Variants in ANKHD1 observed in about 807,000 individuals in gnomAD.
ANKHD1 encodes the protein ankyrin repeat and KH domain-containing protein 1.
In ANKHD1, 31 loss-of-function variants were observed where a neutral mutation model predicts 230.5. The observed-to-expected ratio is 0.13, with a 90% CI of 0.10 to 0.18. ANKHD1 has a LOEUF of 0.18. Ranked by LOEUF, ANKHD1 falls within the 10% of genes least tolerant of loss-of-function variation. ANKHD1 has a pLI of 1.00. For missense variants in ANKHD1, 2,256 were observed against 3,071.3 expected, an observed-to-expected ratio of 0.73 and a Z score of 6.27; for synonymous variants, 1,074 against 1,117.6, an observed-to-expected ratio of 0.96 and a Z score of 0.78.
At chr5:140,468,836 A>C (rs959477988) in intron 10 of ANKHD1, among the ~76,000 whole-genome samples, 6 of 152,196 alleles carry the variant, frequency 3.9e-5, no homozygotes, top group Non-Finnish European at 8.8e-5. Context: ...TGCTGCAGTA[A>C]ATATTGCTAG....
chr5:140,456,221 A>G (rs1168660998), intron 7 of ANKHD1, among the ~76,000 whole-genome samples: 1 of 152,256 alleles, frequency 6.6e-6, no homozygotes, highest in Non-Finnish European at 1.5e-5. Flanking sequence ...GGATACAAAC[A>G]AATGGAAGAA....
At position 140,459,374 on chromosome 5, in the gene ANKHD1, C is replaced by G; in HGVS notation, c.1672+19C>G. On this transcript the variant is annotated intron_variant, in intron 9 of 33. Transcript: ENST00000360839. ...GCTTCTGGTATGTGGCTTTAAGATG[C>G]CTTATTGCTCAGAAAGACAAATACA... 1 of 1,518,904 alleles carries G rather than the reference C, an allele frequency of 6.6e-7. No homozygotes were observed. The highest frequency in any genetic ancestry group is 1.4e-5 in the African/African-American group (1 of 72,358). The allele number at this position is 1,518,904 out of a possible 1,614,324, so 94.1% of individuals were successfully genotyped here. A position where few individuals can be genotyped will look rare whatever the true frequency, so the allele number is the denominator to read the frequency against.
chr5:140,427,259 T>A (rs1772523512), intron 1 of ANKHD1, among the ~76,000 whole-genome samples: 2 of 138,422 alleles, frequency 1.4e-5, no homozygotes, highest in Non-Finnish European at 3.1e-5. Flanking sequence ...ACGGGGTGGC[T>A]GGCCGGGCGG....
chr5:140,528,936 G>C lies in ANKHD1; in HGVS notation c.5990G>C (p.Gly1997Ala). The stretch of plus-strand genomic sequence containing the variant: ...GTCTCCTCTGCACCTATCACTAGCG[G>C]GCAAGCTCCCACCACATTTCTACCT... ...PSVSSAPITS[G>A]QAPTTFLPAS... Residue 1997 changes from glycine to alanine, a missense_variant, in exon 29 of 34, where the codon GGG (glycine) becomes GCG (alanine). By Grantham distance (60) the Gly-to-Ala change is moderately conservative. Transcript: ENST00000360839. The C allele has an allele frequency of 6.2e-7, 1 of 1,614,132 alleles. No homozygotes were observed. The highest frequency in any genetic ancestry group is 8.5e-7 in the Non-Finnish European group (1 of 1,180,038).
At chr5:140,500,648 CAA>C (rs376975917) in intron 15 of ANKHD1, among the ~76,000 whole-genome samples, 20 of 78,742 alleles carry the variant, frequency 2.5e-4, no homozygotes, top group Non-Finnish European at 1.5e-4. Flanking sequence ...GACTCTGTCT[CAA>C]AAAAAAAAAA....
At chr5:140,537,265 T>C (rs541883883) in intron 30 of ANKHD1, 124 bp from the exon 31 acceptor site, 1 of 1,436,922 alleles carries the variant, frequency 7.0e-7, no homozygotes, top group East Asian at 2.6e-5. Context: ...GAATAGATCT[T>C]TCCAACAAGG....
Position 140,485,265 on chromosome 5 carries a change from T to C in ANKHD1, c.1998+17T>C, listed in dbSNP as rs769217359. ...CGACTCAAGGTAGTCTACTTAAAAA[T>C]AAGTAAACAGGCTGTGTGCGGTGGC... On this transcript the variant is annotated intron_variant, in intron 12 of 33. Coordinates refer to ENST00000360839, the MANE Select transcript of ANKHD1 (RefSeq NM_017747.3). The surrounding 1 kb of genome is among the most constrained non-coding windows in gnomAD (Gnocchi z 4.8). 1 of 1,603,872 alleles carries C rather than the reference T, an allele frequency of 6.2e-7. No individual in the cohort carries two copies. Among genetic ancestry groups the C allele is most frequent in the Non-Finnish European group, 8.5e-7 (1 of 1,172,422 alleles).
At chr5:140,513,000 T>C in intron 23 of ANKHD1, 77 bp downstream of exon 23, 6 of 1,384,570 alleles carry the variant, frequency 4.3e-6, no homozygotes, top group Non-Finnish European at 5.9e-6. Context: ...TAGGAACTTG[T>C]TCTTTTTATA....
intron 14 of ANKHD1, among the ~76,000 whole-genome samples, chr5:140,491,649 C>T (rs1751813229): frequency 6.6e-6 from 1 of 152,068 alleles, no homozygotes. Context: ...CTCCCAGTGA[C>T]GAATATCCTG....
chr5:140,477,431 T>C (rs1751029590), intron 10 of ANKHD1, among the ~76,000 whole-genome samples: 1 of 152,210 alleles, frequency 6.6e-6, no homozygotes, highest in African/African-American at 2.4e-5. Context: ...ATATACTTTA[T>C]ATTCTTTTCC....
At position 140,507,251 on chromosome 5, in the gene ANKHD1, T is replaced by C. The variant is rs1168281366; in HGVS notation, c.3551+274T>C. Among the ~76,000 whole-genome samples the C allele has an allele frequency of 6.6e-6, 1 of 152,174 alleles. No homozygotes were observed. The highest frequency in any genetic ancestry group is 2.1e-4 in the South Asian group (1 of 4,834). On this transcript the variant is annotated intron_variant, in intron 19 of 33. Coordinates refer to ENST00000360839, the MANE Select transcript of ANKHD1 (RefSeq NM_017747.3). The surrounding 1 kb of genome is among the most constrained non-coding windows in gnomAD (Gnocchi z 4.1). ...TCTCATCTGATCTCAGAAACGGTAT[T>C]TTATTTTATATAGTTGGAAATTTAT... is the stretch of plus-strand genomic sequence containing the variant.
chr5:140,513,054 C>G, intron 23 of ANKHD1, 131 bp downstream of exon 23: 1 of 887,750 alleles, frequency 1.1e-6, no homozygotes, highest in Non-Finnish European at 1.7e-6. Flanking sequence ...GTTTGTTTCT[C>G]CATTTGCAAA....
chr5:140,485,702 G>T lies in ANKHD1; in HGVS notation c.2112G>T (p.Gln704His). The T allele has an allele frequency of 1.2e-6, 2 of 1,613,998 alleles. No individual in the cohort carries two copies. Among genetic ancestry groups the T allele is most frequent in the Non-Finnish European group, 1.7e-6 (2 of 1,179,982 alleles). ...VLSVPTTDVS[Q>H]LPPPSQDQSQ... is the part of the protein sequence containing the mutation. ...CAGTTCCCACCACAGATGTGTCTCA[G>T]CTCCCTCCACCTTCTCAAGATCAGT... Residue 704 changes from glutamine (Q) to histidine (H), a missense_variant, in exon 13 of 34, where the codon CAG (glutamine) becomes CAT (histidine). Physicochemically the swap from Gln to His is conservative, Grantham distance 24. This residue lies in a region of ANKHD1 where 358 missense variants were observed against 397.7 expected (regional missense o/e 0.90). Coordinates refer to ENST00000360839, the MANE Select transcript of ANKHD1 (RefSeq NM_017747.3). This position sits in a 1 kb window ranked among gnomAD's most constrained non-coding sequence, Gnocchi z 4.8.
At chr5:140,438,262 A>G (rs767387141) in intron 2 of ANKHD1, among the ~76,000 whole-genome samples, 199 bp from the exon 3 acceptor site, 5 of 152,222 alleles carry the variant, frequency 3.3e-5, no homozygotes, top group Non-Finnish European at 7.3e-5. Context: ...AGACTAAAAC[A>G]TAGGTGGTTA....
chr5:140,425,419 C>T (rs1416675316), intron 1 of ANKHD1, among the ~76,000 whole-genome samples: 1 of 152,086 alleles, frequency 6.6e-6, no homozygotes, highest in Non-Finnish European at 1.5e-5. Flanking sequence ...CACCACCATG[C>T]CCAGCTAATT....
At chr5:140,466,617 C>G (rs931663571) in intron 10 of ANKHD1, among the ~76,000 whole-genome samples, 1 of 152,140 alleles carries the variant, frequency 6.6e-6, no homozygotes, top group East Asian at 1.9e-4. Flanking sequence ...TTTGAACTTA[C>G]CGTATTTACT....
At chr5:140,436,938 A>AT (rs1241899532) in intron 2 of ANKHD1, among the ~76,000 whole-genome samples, 3 of 152,132 alleles carry the variant, frequency 2.0e-5, no homozygotes. Flanking sequence ...TAAATAGCTA[A>AT]TTTTTTTATA....
chr5:140,452,850 G>A (rs983869106), intron 7 of ANKHD1, among the ~76,000 whole-genome samples: 8 of 152,162 alleles, frequency 5.3e-5, no homozygotes, highest in Non-Finnish European at 1.2e-4. Context: ...CACCAGCAAC[G>A]GAACAAAGCT....
rs942284252 is a variant in ANKHD1, at chr5:140,506,058, C to A, written c.3408+189C>A. Among the ~76,000 whole-genome samples the A allele has an allele frequency of 2.0e-4, 31 of 152,134 alleles. No homozygotes were observed. Among genetic ancestry groups the A allele is most frequent in the Non-Finnish European group, 8.8e-5 (6 of 68,028 alleles). On this transcript the variant is annotated intron_variant, in intron 18 of 33. Transcript: ENST00000360839. This position sits in a 1 kb window ranked among gnomAD's most constrained non-coding sequence, Gnocchi z 4.7. ...AATTACAGCTCGCTATAACCTTGAA[C>A]TCTGGGGCTCAAGCAATCCTCAGCC...
Sources: gnomAD v4.1 joint callset for allele counts (sites outside exome capture counted in the v4.1 genomes callset) on GRCh38, gnomAD v4.1.1 for gene constraint, gnomAD v4.1.1 regional missense constraint, Gnocchi (gnomAD v3.1) non-coding constraint, MANE v1.5 for transcripts, NCBI Gene and HGNC (gene_info 2026-07-23, HGNC 2026-07-21) for gene names.